Variants in MAST4 observed in about 807,000 individuals in gnomAD.
The protein encoded by MAST4 is microtubule-associated serine/threonine-protein kinase 4.
MAST4 carries 89 observed loss-of-function variants against 162.7 expected under a neutral mutation model. The ratio of observed to expected loss-of-function variants is 0.55; its 90% confidence interval spans 0.46 to 0.65. The LOEUF (loss-of-function observed/expected upper bound fraction) is 0.65. Among genes scored for constraint, MAST4 ranks in the 30% least tolerant of loss-of-function variants. The pLI is 0.00. For missense variants in MAST4, 3,153 were observed against 3,374.0 expected (o/e 0.93, Z 1.62); for synonymous variants, 1,479 against 1,361.1 (o/e 1.09, Z -1.91).
At chr5:66,730,525 C>T (rs1044035532) in intron 1 of MAST4, among the ~76,000 whole-genome samples, 2 of 152,070 alleles carry the variant, frequency 1.3e-5, no homozygotes, top group Non-Finnish European at 2.9e-5. Flanking sequence ...TGTGATAGCT[C>T]ATTATAAGGG....
intron 4 of MAST4, among the ~76,000 whole-genome samples, chr5:67,041,610 A>G (rs1756749763): frequency 6.6e-6 from 1 of 152,196 alleles, no homozygotes; most frequent in Non-Finnish European, 1.5e-5. Flanking sequence ...TAATCTCCAC[A>G]TAGCCCTCTG....
Position 67,165,097 on chromosome 5 carries a change from C to T in MAST4, c.5918C>T (p.Ser1973Leu), listed in dbSNP as rs1209567801. The T allele has an allele frequency of 2.5e-6, 4 of 1,592,276 alleles. No individual in the cohort carries two copies. The highest frequency in any genetic ancestry group is 1.7e-4 in the Middle Eastern group (1 of 6,042). The change falls in exon 29 of 29, where the codon TCG becomes TTG. Residue 1973 changes from serine to leucine, a missense_variant. By Grantham distance (145) the Ser-to-Leu change is moderately radical. This residue lies in a region of MAST4 where 1,644 missense variants were observed against 1,495.0 expected (regional missense o/e 1.10). Transcript: ENST00000403625. ...AGGGAGAAGCCAGGCCTGAGGGAAT[C>T]GTCTGAAAGAGGCCCTCCCACAGCC... The part of the protein sequence containing the change: ...PSREKPGLRE[S>L]SERGPPTARS...
At chr5:66,997,084 C>A (rs1309684376) in intron 4 of MAST4, among the ~76,000 whole-genome samples, 1 of 152,092 alleles carries the variant, frequency 6.6e-6, no homozygotes, top group African/African-American at 2.4e-5. Context: ...TCCATATCCA[C>A]AAATCTGTGT....
intron 18 of MAST4, among the ~76,000 whole-genome samples, chr5:67,135,950 A>G (rs1333373778): frequency 6.6e-6 from 1 of 152,250 alleles, no homozygotes; most frequent in Non-Finnish European, 1.5e-5. Context: ...AATATTTATG[A>G]CAGATTTTAA....
chr5:66,800,455 T>A (rs951491228), intron 3 of MAST4, among the ~76,000 whole-genome samples: 4 of 152,100 alleles, frequency 2.6e-5, no homozygotes, highest in African/African-American at 9.7e-5. Context: ...GAAAACCAAA[T>A]ACTGTATGTT....
At chr5:66,888,482 C>G (rs1762177568) in intron 3 of MAST4, among the ~76,000 whole-genome samples, 1 of 152,176 alleles carries the variant, frequency 6.6e-6, no homozygotes, top group African/African-American at 2.4e-5. Flanking sequence ...TTAATCTCAG[C>G]AGAGTAAATT....
chr5:67,021,959 TCTC>T (rs2150391453), intron 4 of MAST4, among the ~76,000 whole-genome samples: 1 of 152,316 alleles, frequency 6.6e-6, no homozygotes, highest in South Asian at 2.1e-4. Flanking sequence ...TTTGTAAAGT[TCTC>T]CTTGATTCTC....
intron 1 of MAST4, among the ~76,000 whole-genome samples, chr5:66,637,241 CTT>C (rs11397237): frequency 1.4e-5 from 2 of 145,616 alleles, no homozygotes. Flanking sequence ...TATTTCCATT[CTT>C]TTTTTTTTTT....
chr5:67,110,896 C>T (rs538719528), intron 11 of MAST4, among the ~76,000 whole-genome samples: 29 of 152,138 alleles, frequency 1.9e-4, no homozygotes, highest in South Asian at 1.9e-3. Flanking sequence ...TGGTGGTGCA[C>T]GCCTGTAATC....
At chr5:66,808,262 A>G (rs1345536704) in intron 3 of MAST4, among the ~76,000 whole-genome samples, 1 of 152,184 alleles carries the variant, frequency 6.6e-6, no homozygotes, top group Admixed American at 6.5e-5. Flanking sequence ...ACTCGTGGAT[A>G]GTGCTGCTGT....
chr5:66,693,640 C>CTAT (rs1322780552), intron 1 of MAST4, among the ~76,000 whole-genome samples: 5 of 152,056 alleles, frequency 3.3e-5, no homozygotes, highest in African/African-American at 9.7e-5. Context: ...GTGCTAGATG[C>CTAT]CATCAAATCT....
At chr5:66,838,464 C>A (rs1162424679) in intron 3 of MAST4, among the ~76,000 whole-genome samples, 1 of 152,114 alleles carries the variant, frequency 6.6e-6, no homozygotes, top group Non-Finnish European at 1.5e-5. Context: ...CTTAAACTTA[C>A]CCTATTGTAC....
chr5:66,706,136 G>GC (rs1184915919), intron 1 of MAST4, among the ~76,000 whole-genome samples: 8 of 151,956 alleles, frequency 5.3e-5, no homozygotes, highest in Non-Finnish European at 1.2e-4. Context: ...ATCTAGCCCC[G>GC]CCCCCCAGAT....
intron 1 of MAST4, among the ~76,000 whole-genome samples, chr5:66,617,411 G>T (rs751802508): frequency 6.6e-5 from 10 of 151,940 alleles, no homozygotes; most frequent in Non-Finnish European, 1.3e-4. Context: ...ATTTACTCAT[G>T]ATTCACATGA....
rs548520432 is a variant in MAST4, at chr5:66,734,360, A to G, written c.364-25349A>G. ...ATCCATAGAACTTCCACTGGTTTGGAAGCTCCTGAACTTGAATATCAGATG... is the reference window on the plus strand; with the variant it reads ...ATCCATAGAACTTCCACTGGTTTGGGAGCTCCTGAACTTGAATATCAGATG... On this transcript the variant is annotated intron_variant, in intron 1 of 28. Transcript: ENST00000403625. 4.6e-5 allele frequency among the ~76,000 whole-genome samples: 7 copies of G among 152,292 alleles called. 1 individual carries two copies. The South Asian group carries it at 1.5e-3, about 32-fold the overall frequency.
intron 1 of MAST4, among the ~76,000 whole-genome samples, chr5:66,750,836 G>C (rs1753105837): frequency 6.6e-6 from 1 of 152,202 alleles, no homozygotes; most frequent in Non-Finnish European, 1.5e-5. Context: ...CTCCACCTCT[G>C]GGGGCAGGGC....
chr5:66,681,287 C>G (rs1345041789), intron 1 of MAST4, among the ~76,000 whole-genome samples: 1 of 152,224 alleles, frequency 6.6e-6, no homozygotes, highest in Non-Finnish European at 1.5e-5. Context: ...GGCCCTGTAA[C>G]TTCTCAGCAC....
chr5:66,839,042 T>C (rs1325740478), intron 3 of MAST4, among the ~76,000 whole-genome samples: 1 of 152,132 alleles, frequency 6.6e-6, no homozygotes, highest in Non-Finnish European at 1.5e-5. Flanking sequence ...AGGTGGTAGA[T>C]GATGCTGCTG....
chr5:67,156,185 G>T (rs1441184924), intron 26 of MAST4, among the ~76,000 whole-genome samples: 2 of 152,060 alleles, frequency 1.3e-5, no homozygotes, highest in Non-Finnish European at 1.5e-5. Flanking sequence ...GTTACCTTCT[G>T]AGGTGGGTGC....
Sources: gnomAD v4.1 joint callset for allele counts (sites outside exome capture counted in the v4.1 genomes callset) on GRCh38, gnomAD v4.1.1 for gene constraint, gnomAD v4.1.1 regional missense constraint, MANE v1.5 for transcripts, NCBI Gene and HGNC (gene_info 2026-07-23, HGNC 2026-07-21) for gene names.